The following AFDN variants were observed in gnomAD, a reference collection of about 807,000 sequenced individuals.
AFDN encodes afadin, adherens junction formation factor.
AFDN carries 68 observed loss-of-function variants against 216.6 expected under a neutral mutation model. The ratio of observed to expected loss-of-function variants is 0.31; its 90% CI spans 0.26 to 0.38. The LOEUF is 0.38. AFDN is among the 10% of genes least tolerant of loss of function. AFDN has a pLI of 1.00. For synonymous variants in AFDN, 868 were observed against 853.7 expected (o/e 1.02, Z -0.29); for missense variants, 2,136 against 2,342.0 (o/e 0.91, Z 1.82).
rs1200041579 is a variant in AFDN, at chr6:167,970,055, T to C, written c.*120T>C. 2.5e-6 allele frequency: 2 copies of C among 806,058 alleles called. No homozygotes were observed. The highest frequency in any genetic ancestry group is 3.7e-5 in the African/African-American group (2 of 54,288). The allele number at this position is 806,058 out of a possible 1,614,324, so 49.9% of individuals were successfully genotyped here. A position where few individuals can be genotyped will look rare whatever the true frequency, so the allele number is the denominator to read the frequency against. On this transcript the variant is annotated 3_prime_UTR_variant, in exon 34 of 34. Transcript: ENST00000683244. ...ATATTTCTAAGTGATTTACAATTTC[T>C]GTTTCTAAAATTGTTGGGATTTAGA...
Position 167,829,689 on chromosome 6 carries a change from T to G in AFDN, c.105+2452T>G, listed in dbSNP as rs1055249457. Among the ~76,000 whole-genome samples, 75 of 152,062 alleles carry G rather than the reference T, an allele frequency of 4.9e-4. 1 individual carries two copies. Among genetic ancestry groups the G allele is most frequent in the Admixed American group, 3.9e-3 (60 of 15,264 alleles). On this transcript the variant is annotated intron_variant, in intron 1 of 33. Coordinates refer to ENST00000683244, the MANE Select transcript of AFDN (RefSeq NM_001386888.1). ...GGGTTTTCTTTTGTTGTTTTTTTTT[T>G]GGGTACAGTGATAAGTATCTGTTTT...
rs1792908412 is a variant in AFDN, at chr6:167,928,854, T to C, written c.3099+3763T>C. Among the ~76,000 whole-genome samples the C allele has an allele frequency of 2.0e-5, 3 of 152,228 alleles. No homozygotes were observed. The South Asian group carries it at 6.2e-4, about 32-fold the overall frequency. On this transcript the variant is annotated intron_variant, in intron 23 of 33. Coordinates refer to ENST00000683244, the MANE Select transcript of AFDN (RefSeq NM_001386888.1). The stretch of plus-strand genomic sequence containing the variant: ...GAGCTGCTGTATGTCCTCTTTGCAT[T>C]TGCTCTTACACAAGGAAGCCTCAGA...
intron 8 of AFDN, 47 bp from the exon 9 acceptor site, chr6:167,893,815 T>C: frequency 6.8e-7 from 1 of 1,476,694 alleles, no homozygotes; most frequent in Non-Finnish European, 9.3e-7. Flanking sequence ...GTCTCTCTCC[T>C]GCTGATGCTG....
At chr6:167,895,119 A>ATT (rs112628453) in intron 9 of AFDN, among the ~76,000 whole-genome samples, 1 of 147,728 alleles carries the variant, frequency 6.8e-6, no homozygotes, top group Non-Finnish European at 1.5e-5. Context: ...CAGGGTAAAA[A>ATT]TTTTTTTTTT....
chr6:167,893,852 T>G lies in AFDN; in HGVS notation c.1178-10T>G. 6.3e-7 allele frequency: 1 copy of G among 1,582,294 alleles called. No individual in the cohort carries two copies. The highest frequency in any genetic ancestry group is 1.2e-5 in the South Asian group (1 of 86,444). The stretch of plus-strand genomic sequence containing the variant: ...CTTCACCTGGGTCCTGGCATGTGTC[T>G]TAACCCCAGGGAGAAGGAATCACTT... On this transcript the variant is annotated splice_polypyrimidine_tract_variant and intron_variant, in intron 8 of 33. Transcript: ENST00000683244.
chr6:167,932,930 A>G (rs764709791), intron 23 of AFDN, among the ~76,000 whole-genome samples: 3 of 152,104 alleles, frequency 2.0e-5, no homozygotes, highest in Admixed American at 6.5e-5. Flanking sequence ...TGTTTTTGCT[A>G]CTTTTGTGCT....
intron 27 of AFDN, among the ~76,000 whole-genome samples, chr6:167,947,213 C>T (rs1161023699): frequency 1.3e-4 from 20 of 150,694 alleles, no homozygotes; most frequent in Middle Eastern, 3.5e-3. Flanking sequence ...CTCACTCTCT[C>T]GCCCAGGCTG....
At chr6:167,838,677 G>C (rs192261592) in intron 1 of AFDN, among the ~76,000 whole-genome samples, 10 of 152,300 alleles carry the variant, frequency 6.6e-5, no homozygotes, top group Admixed American at 2.6e-4. Flanking sequence ...ACAGTGGCCT[G>C]TTGTACCTTC....
chr6:167,904,498 C>A (rs1379401573), intron 12 of AFDN, among the ~76,000 whole-genome samples: 3 of 152,210 alleles, frequency 2.0e-5, no homozygotes, highest in Non-Finnish European at 2.9e-5. Context: ...GTGTAAGCCA[C>A]TGCACCCAGC....
intron 11 of AFDN, among the ~76,000 whole-genome samples, chr6:167,900,837 C>T (rs541699795): frequency 6.6e-6 from 1 of 152,272 alleles, no homozygotes; most frequent in African/African-American, 2.4e-5. Context: ...TGATGGGAGC[C>T]AGCAGGGCAT....
rs1386972338 is a variant in AFDN, at chr6:167,872,308, A to C, written c.509A>C (p.Lys170Thr). ...TLSKKEKKEK[K>T]KREKEALRQA... Reference sequence around the variant, plus strand: ...TCAAAGAAAGAAAAGAAGGAAAAAAAGAAGAGAGAAAAAGAGGCATTGCGA... The same window carrying C: ...TCAAAGAAAGAAAAGAAGGAAAAAACGAAGAGAGAAAAAGAGGCATTGCGA... Residue 170 changes from lysine to threonine, a missense_variant, in exon 4 of 34, where the codon AAG becomes ACG. This residue lies in a region of AFDN where 817 missense variants were observed against 965.7 expected (regional missense o/e 0.85). Coordinates refer to ENST00000683244, the MANE Select transcript of AFDN (RefSeq NM_001386888.1). The C allele has an allele frequency of 6.2e-7, 1 of 1,614,104 alleles. No individual in the cohort carries two copies. Among genetic ancestry groups the C allele is most frequent in the Non-Finnish European group, 8.5e-7 (1 of 1,179,986 alleles).
chr6:167,943,638 T>C (rs1428759788), intron 25 of AFDN, among the ~76,000 whole-genome samples, 163 bp downstream of exon 25: 2 of 152,244 alleles, frequency 1.3e-5, no homozygotes, highest in African/African-American at 4.8e-5. Context: ...ATTATAAATA[T>C]ATATTTTAAT....
intron 22 of AFDN, 77 bp downstream of exon 22, chr6:167,923,036 T>A: frequency 2.0e-6 from 2 of 1,010,724 alleles, no homozygotes; most frequent in Non-Finnish European, 3.0e-6. Context: ...GTTTCTTTCT[T>A]ACACTGAAGA....
At chr6:167,852,784 A>G (rs1329482081) in intron 1 of AFDN, among the ~76,000 whole-genome samples, 2 of 152,124 alleles carry the variant, frequency 1.3e-5, no homozygotes, top group Non-Finnish European at 2.9e-5. Flanking sequence ...TTTCTTTGGT[A>G]TAATGAGCTG....
Position 167,970,630 on chromosome 6 carries a change from A to G in AFDN, c.*695A>G. 1 of 209,976 alleles carries G rather than the reference A, an allele frequency of 4.8e-6. No homozygotes were observed. The highest frequency in any genetic ancestry group is 7.2e-5 in the East Asian group (1 of 13,836). The allele number at this position is 209,976 out of a possible 1,614,324, so 13.0% of individuals were successfully genotyped here. ...TGATTAATTTTAATTCTGAAAGAAA[A>G]TTTTGAGGATTTAAGCTTAGGGGAT... On this transcript the variant is annotated 3_prime_UTR_variant, in exon 34 of 34. Coordinates refer to ENST00000683244, the MANE Select transcript of AFDN (RefSeq NM_001386888.1).
intron 30 of AFDN, chr6:167,952,620 A>G (rs1014872780): frequency 6.6e-6 from 3 of 451,526 alleles, no homozygotes; most frequent in African/African-American, 2.1e-5. Context: ...TTGTAGCACA[A>G]AAGCAGCCAC....
intron 11 of AFDN, among the ~76,000 whole-genome samples, chr6:167,901,937 A>G (rs933313568): frequency 6.6e-6 from 1 of 152,022 alleles, no homozygotes; most frequent in African/African-American, 2.4e-5. Context: ...TACAAAAAAT[A>G]CAATAATTAG....
intron 31 of AFDN, chr6:167,964,359 C>CTG (rs1459376067): frequency 1.9e-6 from 2 of 1,064,266 alleles, no homozygotes; most frequent in Non-Finnish European, 2.3e-6. Context: ...TACCAAGCAA[C>CTG]TGTTCTTCAT....
At chr6:167,945,676 G>A (rs1045570700) in intron 26 of AFDN, among the ~76,000 whole-genome samples, 7 of 152,114 alleles carry the variant, frequency 4.6e-5, no homozygotes, top group African/African-American at 1.4e-4. Context: ...CCACTGTCAC[G>A]GATGTGGTTC....
Sources: allele counts gnomAD v4.1 joint callset (sites outside exome capture counted in the v4.1 genomes callset), GRCh38; gene constraint gnomAD v4.1.1; regional missense constraint gnomAD v4.1.1; transcripts MANE v1.5; gene names NCBI Gene and HGNC (gene_info 2026-07-23, HGNC 2026-07-21).